Variants in MAN1A1 observed in about 807,000 individuals in gnomAD.
MAN1A1 encodes mannosidase alpha class 1A member 1.
In MAN1A1, 29 loss-of-function variants were observed where a neutral mutation model predicts 70.8. The observed-to-expected ratio is 0.41, with a 90% confidence interval of 0.31 to 0.56. The LOEUF (loss-of-function observed/expected upper bound fraction) is 0.56. Ranked by LOEUF, MAN1A1 falls within the 20% of genes least tolerant of loss-of-function variation. The probability of loss-of-function intolerance (pLI) is 0.29; values close to 1 mark genes in which losing one functional copy is unlikely to be tolerated. For missense variants in MAN1A1, 747 were observed against 841.3 expected, an observed-to-expected ratio of 0.89 and a Z score of 1.39; for synonymous variants, 349 against 330.1, an observed-to-expected ratio of 1.06 and a Z score of -0.62.
chr6:119,275,352 G>A (rs1315115948), intron 5 of MAN1A1, among the ~76,000 whole-genome samples: 8 of 113,232 alleles, frequency 7.1e-5, no homozygotes, highest in African/African-American at 6.8e-5. Flanking sequence ...TGTCGCCCAG[G>A]CTGGAGTGCA....
intron 4 of MAN1A1, 26 bp from the exon 5 acceptor site, chr6:119,290,789 G>A: frequency 7.2e-7 from 1 of 1,393,820 alleles, no homozygotes. Flanking sequence ...ATTCAAACAT[G>A]ATGATAGTAC....
rs749428237 is a variant in MAN1A1 at position 119,349,005 on chromosome 6, C to G, written c.61G>C (p.Gly21Arg). ...SSPAGGVLGG[G>R]LGGGGGRKGS... ...TTCCTGCCACCGCCGCCGCCGAGCC[C>G]CCCGCCCAGGACGCCGCCCGCGGGG... The change falls in exon 2 of 13, where the codon GGG (glycine) becomes CGG (arginine). Residue 21 changes from glycine (G) to arginine (R), a missense_variant. Gly to Arg is a moderately radical substitution (Grantham distance 125). Coordinates refer to ENST00000368468, the MANE Select transcript of MAN1A1 (RefSeq NM_005907.4). 1.4e-6 allele frequency: 2 copies of G among 1,406,194 alleles called. No homozygotes were observed. Among genetic ancestry groups the G allele is most frequent in the Non-Finnish European group, 9.3e-7 (1 of 1,075,714 alleles). 87.1% of individuals were successfully genotyped at this position (1,406,194 alleles called of 1,614,324 possible).
At chr6:119,345,138 A>C (rs915495557) in intron 2 of MAN1A1, among the ~76,000 whole-genome samples, 1 of 148,074 alleles carries the variant, frequency 6.8e-6, no homozygotes, top group African/African-American at 2.5e-5. Context: ...AATTGGATTA[A>C]GGTTCTAATC....
chr6:119,260,249 G>A (rs964468502), intron 5 of MAN1A1, among the ~76,000 whole-genome samples: 1 of 152,154 alleles, frequency 6.6e-6, no homozygotes, highest in African/African-American at 2.4e-5. Context: ...TGGCCAAAGG[G>A]CTGTAGTTTG....
chr6:119,217,639 C>T (rs79889009), intron 6 of MAN1A1, among the ~76,000 whole-genome samples: 2 of 152,158 alleles, frequency 1.3e-5, no homozygotes, highest in African/African-American at 4.8e-5. Context: ...GTTACTCCCT[C>T]TTTCACTTCT....
chr6:119,330,080 G>A (rs1334204146), intron 2 of MAN1A1, among the ~76,000 whole-genome samples: 1 of 152,150 alleles, frequency 6.6e-6, no homozygotes, highest in African/African-American at 2.4e-5. Flanking sequence ...TGTAAATGTT[G>A]ATGTTCCTTG....
At chr6:119,289,258 C>T (rs1291762030) in intron 5 of MAN1A1, among the ~76,000 whole-genome samples, 1 of 151,708 alleles carries the variant, frequency 6.6e-6, no homozygotes, top group Non-Finnish European at 1.5e-5. Context: ...TCCTTATTTC[C>T]TCCAAATTGT....
intron 4 of MAN1A1, among the ~76,000 whole-genome samples, chr6:119,292,648 T>A (rs1772074444): frequency 6.6e-6 from 1 of 151,986 alleles, no homozygotes; most frequent in South Asian, 2.1e-4. Context: ...TTCAAAAAAA[T>A]TCCTATAAAA....
chr6:119,180,870 T>C (rs939812237), intron 11 of MAN1A1, among the ~76,000 whole-genome samples: 1 of 151,710 alleles, frequency 6.6e-6, no homozygotes, highest in Non-Finnish European at 1.5e-5. Context: ...TATAGAGTTT[T>C]AGGTAAAAAA....
intron 5 of MAN1A1, 75 bp from the exon 6 acceptor site, chr6:119,248,429 T>TA (rs1775225823): frequency 2.6e-6 from 2 of 762,656 alleles, no homozygotes; most frequent in African/African-American, 1.8e-5. Context: ...ATCTAATAGT[T>TA]ACCACTTTTC....
intron 5 of MAN1A1, among the ~76,000 whole-genome samples, chr6:119,267,912 C>T (rs1052195205): frequency 6.6e-6 from 1 of 152,104 alleles, no homozygotes; most frequent in Non-Finnish European, 1.5e-5. Flanking sequence ...GAGACTTATT[C>T]TATGGGTTCC....
intron 4 of MAN1A1, among the ~76,000 whole-genome samples, chr6:119,301,215 C>T (rs1046337002): frequency 2.6e-5 from 4 of 152,162 alleles, no homozygotes; most frequent in African/African-American, 4.8e-5. Flanking sequence ...CTGAAGTGAA[C>T]GACTAAAAAC....
At chr6:119,216,246 C>T (rs1361707240) in intron 6 of MAN1A1, among the ~76,000 whole-genome samples, 1 of 152,194 alleles carries the variant, frequency 6.6e-6, no homozygotes, top group Non-Finnish European at 1.5e-5. Flanking sequence ...AAAGTTCACT[C>T]TGGATACTGT....
At chr6:119,282,630 T>C (rs1429503629) in intron 5 of MAN1A1, among the ~76,000 whole-genome samples, 1 of 152,110 alleles carries the variant, frequency 6.6e-6, no homozygotes, top group East Asian at 1.9e-4. Context: ...TTCAGTATTT[T>C]ACATTCCTTT....
chr6:119,293,831 A>G (rs971807071), intron 4 of MAN1A1, among the ~76,000 whole-genome samples: 1 of 152,124 alleles, frequency 6.6e-6, no homozygotes, highest in Admixed American at 6.6e-5. Flanking sequence ...GAAATCAGAA[A>G]GACCTGGGAT....
chr6:119,272,724 T>C (rs1216691782), intron 5 of MAN1A1, among the ~76,000 whole-genome samples: 1 of 152,192 alleles, frequency 6.6e-6, no homozygotes, highest in Non-Finnish European at 1.5e-5. Context: ...GTACCACACT[T>C]TCGATTGATT....
At chr6:119,296,213 C>T (rs1772213094) in intron 4 of MAN1A1, among the ~76,000 whole-genome samples, 2 of 152,152 alleles carry the variant, frequency 1.3e-5, no homozygotes, top group Non-Finnish European at 2.9e-5. Context: ...CTTAAGACTG[C>T]TAACAAAGTC....
At chr6:119,323,990 C>T (rs1269781214) in intron 2 of MAN1A1, among the ~76,000 whole-genome samples, 1 of 152,188 alleles carries the variant, frequency 6.6e-6, no homozygotes, top group African/African-American at 2.4e-5. Context: ...GTAAATTCCA[C>T]ATAAGCAACT....
intron 2 of MAN1A1, among the ~76,000 whole-genome samples, chr6:119,309,069 G>T (rs1483769003): frequency 1.3e-5 from 2 of 152,158 alleles, no homozygotes; most frequent in African/African-American, 4.8e-5. Flanking sequence ...TGATCCCATG[G>T]GATTTCTATG....
Sources: gnomAD v4.1 joint callset for allele counts (sites outside exome capture counted in the v4.1 genomes callset) on GRCh38, gnomAD v4.1.1 for gene constraint, MANE v1.5 for transcripts, NCBI Gene and HGNC (gene_info 2026-07-23, HGNC 2026-07-21) for gene names.